DPYD: variants seen among roughly 807,000 people sequenced by gnomAD.
DPYD encodes dihydropyrimidine dehydrogenase.
DPYD carries 109 observed loss-of-function variants against 116.2 expected under a neutral mutation model. That is an observed-to-expected ratio of 0.94 (90% confidence interval 0.80 to 1.10). The LOEUF (loss-of-function observed/expected upper bound fraction) is 1.10. Ranked by LOEUF, DPYD falls within the 50% of genes least tolerant of loss-of-function variation. DPYD has a pLI of 0.00. For missense variants in DPYD, 1,302 were observed against 1,254.5 expected (o/e 1.04, Z -0.57); for synonymous variants, 440 against 432.0 (o/e 1.02, Z -0.23).
chr1:97,899,669 G>A (rs1673264490), intron 1 of DPYD, among the ~76,000 whole-genome samples: 1 of 151,730 alleles, frequency 6.6e-6, no homozygotes, highest in Admixed American at 6.6e-5. Context: ...TAATTTTATA[G>A]AGCACCTGGA....
At position 97,665,514 on chromosome 1, in the gene DPYD, G is replaced by T. The variant is rs184401102; in HGVS notation, c.850+13581C>A. Among the ~76,000 whole-genome samples the T allele has an allele frequency of 2.6e-5, 4 of 152,078 alleles. No homozygotes were observed. In the East Asian group the frequency reaches 7.7e-4, roughly 29 times the overall value. ...ATAAAAAATTGAATTAGTCAGTCTT[G>T]AATTTAATAAATTTTTACAATAGAT... On this transcript the variant is annotated intron_variant, in intron 8 of 22. Coordinates refer to ENST00000370192, the MANE Select transcript of DPYD (RefSeq NM_000110.4).
intron 4 of DPYD, among the ~76,000 whole-genome samples, chr1:97,739,779 T>C (rs1454792604): frequency 6.6e-6 from 1 of 151,958 alleles, no homozygotes. Context: ...ATTCAATCAA[T>C]CAACCATTCA....
intron 18 of DPYD, among the ~76,000 whole-genome samples, chr1:97,257,387 T>C (rs1663552823): frequency 6.6e-6 from 1 of 150,820 alleles, no homozygotes; most frequent in African/African-American, 2.4e-5. Context: ...TCTGAGAGCA[T>C]ATTTTGATAT....
At chr1:97,614,783 C>T (rs2100755973) in intron 8 of DPYD, among the ~76,000 whole-genome samples, 1 of 152,192 alleles carries the variant, frequency 6.6e-6, no homozygotes, top group East Asian at 1.9e-4. Context: ...CATGAAATAT[C>T]ATTGTCTCAT....
intron 2 of DPYD, among the ~76,000 whole-genome samples, chr1:97,852,697 T>C (rs576137035): frequency 6.6e-6 from 1 of 152,238 alleles, no homozygotes; most frequent in African/African-American, 2.4e-5. Context: ...CTGAATACAA[T>C]TTGACTCCCA....
intron 20 of DPYD, among the ~76,000 whole-genome samples, chr1:97,152,873 T>G (rs1655137175): frequency 6.6e-6 from 1 of 152,116 alleles, no homozygotes; most frequent in Admixed American, 6.6e-5. Flanking sequence ...TAACTTGTCT[T>G]ATTTTTATCT....
intron 16 of DPYD, among the ~76,000 whole-genome samples, chr1:97,327,249 A>T (rs1283576796): frequency 6.6e-6 from 1 of 152,038 alleles, no homozygotes; most frequent in East Asian, 1.9e-4. Context: ...AATTATCCCT[A>T]GCAACAGATA....
chr1:97,675,324 CA>C (rs1660082413), intron 8 of DPYD, among the ~76,000 whole-genome samples: 1 of 152,060 alleles, frequency 6.6e-6, no homozygotes, highest in Non-Finnish European at 1.5e-5. Context: ...GTAAAACCAC[CA>C]AAACTTTAGA....
chr1:97,124,170 C>T (rs1652659542), intron 20 of DPYD, among the ~76,000 whole-genome samples: 1 of 138,186 alleles, frequency 7.2e-6, no homozygotes, highest in African/African-American at 2.5e-5. Flanking sequence ...AGGAAAATTT[C>T]CTAATGGACT....
chr1:97,549,170 G>T (rs1651128764), intron 12 of DPYD, among the ~76,000 whole-genome samples: 1 of 151,910 alleles, frequency 6.6e-6, no homozygotes, highest in African/African-American at 2.4e-5. Context: ...CAGCTCAAGA[G>T]ATCCTCCCAC....
At chr1:97,646,831 T>C (rs1272510256) in intron 8 of DPYD, among the ~76,000 whole-genome samples, 1 of 152,094 alleles carries the variant, frequency 6.6e-6, no homozygotes, top group Non-Finnish European at 1.5e-5. Context: ...AGGACACTAC[T>C]TGCAAATATG....
chr1:97,854,496 G>C (rs980988354), intron 2 of DPYD, among the ~76,000 whole-genome samples: 1 of 152,196 alleles, frequency 6.6e-6, no homozygotes, highest in Admixed American at 6.5e-5. Context: ...CATGGGAGCA[G>C]AGAGAGTTCT....
intron 2 of DPYD, among the ~76,000 whole-genome samples, chr1:97,851,972 G>C (rs1670589508): frequency 7.5e-6 from 1 of 134,088 alleles, no homozygotes; most frequent in Non-Finnish European, 1.5e-5. Context: ...ATGTACCCTA[G>C]AGTTTAAAGT....
intron 19 of DPYD, among the ~76,000 whole-genome samples, chr1:97,234,631 A>G (rs556916397): frequency 7.9e-5 from 12 of 152,312 alleles, no homozygotes; most frequent in Admixed American, 4.6e-4. Context: ...TAAATGTATT[A>G]AGAAAAGACA....
intron 12 of DPYD, chr1:97,545,922 T>C (rs1289967109): frequency 9.1e-7 from 1 of 1,098,834 alleles, no homozygotes; most frequent in Admixed American, 1.7e-5. Context: ...ATTTGGTGAG[T>C]TTAAAGAATC....
At chr1:97,090,399 T>C (rs1023719843) in intron 21 of DPYD, among the ~76,000 whole-genome samples, 1 of 152,178 alleles carries the variant, frequency 6.6e-6, no homozygotes, top group Admixed American at 6.5e-5. Context: ...TGTTTATCAA[T>C]TGCTTACTCC....
At chr1:97,811,978 G>A (rs1379784396) in intron 3 of DPYD, among the ~76,000 whole-genome samples, 2 of 152,054 alleles carry the variant, frequency 1.3e-5, no homozygotes, top group African/African-American at 4.8e-5. Flanking sequence ...CAATACAACA[G>A]TCATCTCTTT....
chr1:97,277,494 CTCCAGAGTTT>C (rs1665018491), intron 18 of DPYD, among the ~76,000 whole-genome samples: 1 of 152,152 alleles, frequency 6.6e-6, no homozygotes, highest in Non-Finnish European at 1.5e-5. Context: ...TAAAGCTGTT[CTCCAGAGTTT>C]ACTTAAAATG....
At chr1:97,082,116 C>T (rs1435741436) in intron 22 of DPYD, among the ~76,000 whole-genome samples, 1 of 152,000 alleles carries the variant, frequency 6.6e-6, no homozygotes, top group African/African-American at 2.4e-5. Flanking sequence ...TAATTCTGTG[C>T]ATTAAATGCT....
Sources: allele counts gnomAD v4.1 joint callset (sites outside exome capture counted in the v4.1 genomes callset), GRCh38; gene constraint gnomAD v4.1.1; transcripts MANE v1.5; gene names NCBI Gene and HGNC (gene_info 2026-07-23, HGNC 2026-07-21).